UNC13C: variants seen among roughly 807,000 people sequenced by gnomAD.
The protein encoded by UNC13C is protein unc-13 homolog C.
In UNC13C, 174 loss-of-function variants were observed where a neutral mutation model predicts 245.4. The observed-to-expected ratio is 0.71, with a 90% CI of 0.63 to 0.80. The LOEUF (loss-of-function observed/expected upper bound fraction) is 0.80. Among genes scored for constraint, UNC13C ranks in the 30% least tolerant of loss-of-function variants. UNC13C has a pLI of 0.00. For synonymous variants in UNC13C, 992 were observed against 895.1 expected (o/e 1.11, Z -1.93); for missense variants, 2,829 against 2,602.9 (o/e 1.09, Z -1.89).
In UNC13C at chr15:54,080,006, G is replaced by GTTTTTTTTTTTTTTTTTTTTTTTTT. The variant is rs3985784; in HGVS notation, c.2984-62997_2984-62996insTTTTTTTTTTTTTTTTTTTTTTTTT. 2.3e-5 allele frequency among the ~76,000 whole-genome samples: 3 copies of GTTTTTTTTTTTTTTTTTTTTTTTTT among 129,902 alleles called. 1 individual carries two copies. Among genetic ancestry groups the GTTTTTTTTTTTTTTTTTTTTTTTTT allele is most frequent in the Non-Finnish European group, 5.1e-5 (3 of 59,318 alleles). 85.2% of individuals were successfully genotyped at this position (129,902 alleles called of 152,430 possible). The stretch of plus-strand genomic sequence containing the variant: ...CCTTCAAGGCCTGGTTTGTCGAGCG[G>GTTTTTTTTTTTTTTTTTTTTTTTTT]TTTTTTTTTTTTTTTATCATAAAGT... On this transcript the variant is annotated intron_variant, in intron 2 of 32. Transcript: ENST00000260323.
Position 54,134,678 on chromosome 15 carries a change from C to G in UNC13C, c.2984-8340C>G, listed in dbSNP as rs149841959. ...GAGACTACAGGCGCCAGCCACCACGCCTGGCTAATTTTTTTTTTGTATTTT... is the reference window on the plus strand; with the variant it reads ...GAGACTACAGGCGCCAGCCACCACGGCTGGCTAATTTTTTTTTTGTATTTT... On this transcript the variant is annotated intron_variant, in intron 2 of 32. Coordinates refer to ENST00000260323, the MANE Select transcript of UNC13C (RefSeq NM_001080534.3). 4.3e-3 allele frequency among the ~76,000 whole-genome samples: 661 copies of G among 151,966 alleles called. 41 individuals carry two copies. In the East Asian group the frequency reaches 0.086, roughly 20 times the overall value.
chr15:54,365,770 A>G (rs1270547197), intron 17 of UNC13C, among the ~76,000 whole-genome samples: 1 of 151,348 alleles, frequency 6.6e-6, no homozygotes, highest in African/African-American at 2.4e-5. Flanking sequence ...AAGAAAAAAA[A>G]AAAAACTTGA....
chr15:54,326,946 G>A (rs1294112472), intron 14 of UNC13C, among the ~76,000 whole-genome samples: 1 of 151,984 alleles, frequency 6.6e-6, no homozygotes, highest in Non-Finnish European at 1.5e-5. Context: ...GTTAGCAAAT[G>A]CTAAAAATCA....
At chr15:54,339,565 G>A (rs2038677398) in intron 17 of UNC13C, among the ~76,000 whole-genome samples, 1 of 151,914 alleles carries the variant, frequency 6.6e-6, no homozygotes, top group African/African-American at 2.4e-5. Context: ...ATAGTCTTCA[G>A]TTCTATCTAG....
At chr15:54,203,843 T>TATACATAC (rs2034617704) in intron 4 of UNC13C, among the ~76,000 whole-genome samples, 1 of 98,350 alleles carries the variant, frequency 1.0e-5, no homozygotes, top group Admixed American at 1.0e-4. Flanking sequence ...TACACATACA[T>TATACATAC]ATACACGTAT....
chr15:54,178,852 A>T (rs1255836095), intron 4 of UNC13C, among the ~76,000 whole-genome samples: 1 of 152,132 alleles, frequency 6.6e-6, no homozygotes, highest in Non-Finnish European at 1.5e-5. Context: ...AGAATTAAGG[A>T]AATAAAATCC....
At chr15:54,441,705 T>C (rs1352137086) in intron 19 of UNC13C, among the ~76,000 whole-genome samples, 1 of 31,510 alleles carries the variant, frequency 3.2e-5, no homozygotes, top group East Asian at 1.9e-3. Flanking sequence ...ATTTTAGGAT[T>C]TTTTTTTTCA....
At chr15:53,991,697 T>C (rs1159180356) in intron 1 of UNC13C, among the ~76,000 whole-genome samples, 1 of 152,068 alleles carries the variant, frequency 6.6e-6, no homozygotes, top group African/African-American at 2.4e-5. Context: ...AGCTCTAAGT[T>C]AGGCCTCCAT....
the UNC13C span, among the ~76,000 whole-genome samples, chr15:53,962,871 G>C: frequency 6.6e-6 from 1 of 152,154 alleles, no homozygotes; most frequent in African/African-American, 2.4e-5. Flanking sequence ...AGAACCACCT[G>C]AAGGGAATAA....
chr15:54,119,848 C>T (rs907428081), intron 2 of UNC13C, among the ~76,000 whole-genome samples: 1 of 152,144 alleles, frequency 6.6e-6, no homozygotes, highest in Non-Finnish European at 1.5e-5. Context: ...TCAGCCACAA[C>T]ATTCTCTTCC....
chr15:54,354,702 T>C (rs1329785424), intron 17 of UNC13C, among the ~76,000 whole-genome samples: 1 of 152,218 alleles, frequency 6.6e-6, no homozygotes, highest in East Asian at 1.9e-4. Flanking sequence ...AAAGTAGTAC[T>C]TCCAACTCAA....
At position 54,628,579 on chromosome 15, in the gene UNC13C, T is replaced by G. The variant is rs1901348171; in HGVS notation, c.*1466T>G. 6.6e-6 allele frequency: 1 copy of G among 152,612 alleles called. No individual in the cohort carries two copies. Among genetic ancestry groups the G allele is most frequent in the Non-Finnish European group, 1.5e-5 (1 of 68,028 alleles). 9.5% of individuals were successfully genotyped at this position (152,612 alleles called of 1,614,324 possible). On this transcript the variant is annotated 3_prime_UTR_variant, in exon 33 of 33. Transcript: ENST00000260323. ...TGCGATCCTCTGGCATATGCTTTAA[T>G]AAATGGATGTATATTGAGCACATGC...
chr15:54,615,595 T>TGTG (rs1900377747), intron 30 of UNC13C, among the ~76,000 whole-genome samples: 1 of 152,104 alleles, frequency 6.6e-6, no homozygotes, highest in African/African-American at 2.4e-5. Flanking sequence ...TGCTAGTAAT[T>TGTG]GTGGTGCATG....
chr15:54,074,823 A>T lies in UNC13C; in HGVS notation c.2983+58937A>T, dbSNP rs186890159. ...ATATTCAATCATGTCATCTGCAAAC[A>T]GAGACAATTTGACTTCCTCTCTTCC... On this transcript the variant is annotated intron_variant, in intron 2 of 32. Transcript: ENST00000260323. 2.2e-3 allele frequency among the ~76,000 whole-genome samples: 342 copies of T among 152,248 alleles called. 1 individual carries two copies. Among genetic ancestry groups the T allele is most frequent in the Non-Finnish European group, 3.4e-3 (234 of 68,024 alleles).
intron 17 of UNC13C, among the ~76,000 whole-genome samples, chr15:54,347,167 C>T (rs1355506): frequency 0.064 from 9,722 of 152,212 alleles, 384 homozygotes; most frequent in Admixed American, 0.11. Flanking sequence ...ATAGATAAGA[C>T]TTTCTTTTTA....
Position 54,026,684 on chromosome 15 carries a change from T to G in UNC13C, c.2983+10798T>G, listed in dbSNP as rs568569531. Among the ~76,000 whole-genome samples the G allele has an allele frequency of 1.2e-3, 184 of 152,360 alleles. 1 individual carries two copies. The highest frequency in any genetic ancestry group is 4.3e-3 in the African/African-American group (179 of 41,594). On this transcript the variant is annotated intron_variant, in intron 2 of 32. Transcript: ENST00000260323. ...TTCACTCTTTTTTGAGTGATTTGAT[T>G]AGTTCCATTGGCTACAGTTATCATC...
At position 54,074,217 on chromosome 15, in the gene UNC13C, G is replaced by T. The variant is rs572760783; in HGVS notation, c.2983+58331G>T. ...GTGTGGTATTATTTCTGAGGCCTCT[G>T]TTCTGTTCCATTGGTCTATATATCT... On this transcript the variant is annotated intron_variant, in intron 2 of 32. Coordinates refer to ENST00000260323, the MANE Select transcript of UNC13C (RefSeq NM_001080534.3). 9.4e-4 allele frequency among the ~76,000 whole-genome samples: 139 copies of T among 148,318 alleles called. 1 individual carries two copies. Among genetic ancestry groups the T allele is most frequent in the Non-Finnish European group, 1.2e-3 (81 of 66,468 alleles).
the UNC13C span, among the ~76,000 whole-genome samples, chr15:53,838,532 A>G: frequency 2.6e-5 from 4 of 152,076 alleles, no homozygotes; most frequent in African/African-American, 9.6e-5. Flanking sequence ...CTGTTGAGAC[A>G]GCTAAATCGT....
intron 4 of UNC13C, among the ~76,000 whole-genome samples, chr15:54,201,340 A>C (rs543889083): frequency 1.3e-5 from 2 of 152,166 alleles, no homozygotes; most frequent in Non-Finnish European, 2.9e-5. Context: ...CTAGTACCAA[A>C]ACCAGGACAG....
Sources: gnomAD v4.1 joint callset for allele counts (sites outside exome capture counted in the v4.1 genomes callset) on GRCh38, gnomAD v4.1.1 for gene constraint, MANE v1.5 for transcripts, NCBI Gene and HGNC (gene_info 2026-07-23, HGNC 2026-07-21) for gene names.